The following MBNL1 variants were observed in gnomAD, a reference collection of about 807,000 sequenced individuals.
MBNL1 encodes the protein muscleblind-like protein 1.
A neutral mutation model predicts 42.2 loss-of-function variants in MBNL1; 8 were observed. The ratio of observed to expected loss-of-function variants is 0.19; its 90% CI spans 0.11 to 0.34. MBNL1 has a LOEUF of 0.34. MBNL1 is among the 10% of genes least tolerant of loss of function. The probability of loss-of-function intolerance (pLI) is 1.00; values close to 1 mark genes in which losing one functional copy is unlikely to be tolerated. For synonymous variants in MBNL1, 169 were observed against 173.9 expected (o/e 0.97, Z 0.22); for missense variants, 309 against 495.3 (o/e 0.62, Z 3.57).
chr3:152,280,294 C>T (rs1049345196), intron 1 of MBNL1, among the ~76,000 whole-genome samples: 9 of 152,158 alleles, frequency 5.9e-5, no homozygotes, highest in African/African-American at 2.2e-4. Context: ...TGGAATTTGC[C>T]TAAAACCATT....
chr3:152,392,126 T>C (rs541572226), intron 2 of MBNL1, among the ~76,000 whole-genome samples: 145 of 152,242 alleles, frequency 9.5e-4, no homozygotes, highest in African/African-American at 3.3e-3. Flanking sequence ...TTGACATTTA[T>C]AAATAGTAAG....
chr3:152,447,570 C>A (rs562628997), intron 5 of MBNL1, 50 bp from the exon 6 acceptor site: 1 of 1,385,824 alleles, frequency 7.2e-7, no homozygotes, highest in Non-Finnish European at 9.6e-7. Flanking sequence ...TTTCTTTTTT[C>A]TTTTTCTCTT....
chr3:152,393,493 ATTGACTTACCTTCT>A (rs902934469), intron 2 of MBNL1, among the ~76,000 whole-genome samples: 16 of 152,250 alleles, frequency 1.1e-4, no homozygotes, highest in African/African-American at 3.9e-4. Flanking sequence ...TGAGAAAGCC[ATTGACTTACCTTCT>A]TAAGGAAATG....
intron 2 of MBNL1, among the ~76,000 whole-genome samples, 183 bp from the exon 3 acceptor site, chr3:152,414,758 C>T (rs909705586): frequency 1.3e-5 from 2 of 152,170 alleles, no homozygotes; most frequent in Admixed American, 6.5e-5. Flanking sequence ...CTCAACCTCT[C>T]ATATTGATAG....
chr3:152,415,546 G>C (rs755582013), intron 3 of MBNL1, among the ~76,000 whole-genome samples: 11 of 152,064 alleles, frequency 7.2e-5, no homozygotes, highest in Non-Finnish European at 1.5e-4. Flanking sequence ...AATGTGTATA[G>C]TTCTTTTTCT....
chr3:152,286,641 ATT>A (rs2052478234), intron 1 of MBNL1, among the ~76,000 whole-genome samples: 1 of 149,734 alleles, frequency 6.7e-6, no homozygotes, highest in Non-Finnish European at 1.5e-5. Context: ...AAATAATTTT[ATT>A]GTTATAAATT....
intron 2 of MBNL1, among the ~76,000 whole-genome samples, chr3:152,343,118 A>G (rs1038667959): frequency 6.6e-6 from 1 of 152,134 alleles, no homozygotes; most frequent in African/African-American, 2.4e-5. Flanking sequence ...AGAGATCAGG[A>G]CTGACCCAAA....
chr3:152,296,022 A>G (rs999919554), intron 1 of MBNL1, among the ~76,000 whole-genome samples: 1 of 152,280 alleles, frequency 6.6e-6, no homozygotes, highest in African/African-American at 2.4e-5. Flanking sequence ...CTTTCCTGAC[A>G]GCATTGATGA....
chr3:152,246,965 A>G (rs1006274009), intron 2 of MBNL1, among the ~76,000 whole-genome samples: 1 of 152,094 alleles, frequency 6.6e-6, no homozygotes, highest in Non-Finnish European at 1.5e-5. Context: ...CAACAAATAA[A>G]CGTATATTAT....
rs76599092 is a variant in MBNL1 at position 152,391,802 on chromosome 3, G to C, written c.175-23139G>C. ...TAAAGTGCTGACATCCCAGTTGGAA[G>C]CACTGAGAAGTACATTCAATTGCCT... On this transcript the variant is annotated intron_variant, in intron 2 of 9. Coordinates refer to ENST00000324210, the MANE Select transcript of MBNL1 (RefSeq NM_021038.5). Among the ~76,000 whole-genome samples the C allele has an allele frequency of 6.8e-3, 1,035 of 152,284 alleles. 13 individuals are homozygous for C. Among genetic ancestry groups the C allele is most frequent in the African/African-American group, 0.024 (977 of 41,552 alleles).
intron 2 of MBNL1, among the ~76,000 whole-genome samples, chr3:152,245,733 A>C (rs1230794912): frequency 6.6e-6 from 1 of 152,166 alleles, no homozygotes; most frequent in East Asian, 1.9e-4. Context: ...GCACTACACC[A>C]ATAAGTTGCA....
intron 2 of MBNL1, among the ~76,000 whole-genome samples, chr3:152,318,658 C>T (rs1231571041): frequency 1.3e-5 from 2 of 152,146 alleles, no homozygotes; most frequent in Admixed American, 6.5e-5. Context: ...CAACTGTTCA[C>T]CCAGAGACAT....
intron 4 of MBNL1, among the ~76,000 whole-genome samples, chr3:152,439,397 AGAT>A (rs1431272150): frequency 6.6e-6 from 1 of 152,206 alleles, no homozygotes; most frequent in African/African-American, 2.4e-5. Context: ...TTAGGAAAGA[AGAT>A]GCTTTTAATA....
chr3:152,332,617 A>T (rs2152667523), intron 2 of MBNL1, among the ~76,000 whole-genome samples: 1 of 152,156 alleles, frequency 6.6e-6, no homozygotes, highest in South Asian at 2.1e-4. Flanking sequence ...TATTTCTTAC[A>T]GCTTATGGCT....
intron 1 of MBNL1, among the ~76,000 whole-genome samples, chr3:152,298,817 G>A (rs893728004): frequency 6.6e-6 from 1 of 152,178 alleles, no homozygotes; most frequent in Admixed American, 6.5e-5. Flanking sequence ...TGTCAGGACA[G>A]CAGGAGCAGG....
chr3:152,444,069 G>A (rs966160200), intron 4 of MBNL1, among the ~76,000 whole-genome samples: 1 of 152,138 alleles, frequency 6.6e-6, no homozygotes, highest in Non-Finnish European at 1.5e-5. Context: ...TCGTAGTAGG[G>A]TTACAGTTTT....
intron 2 of MBNL1, among the ~76,000 whole-genome samples, chr3:152,403,883 G>A (rs983267618): frequency 6.6e-6 from 1 of 152,132 alleles, no homozygotes; most frequent in African/African-American, 2.4e-5. Context: ...TAGGCAGGGG[G>A]GTGGGGCAGG....
intron 2 of MBNL1, among the ~76,000 whole-genome samples, chr3:152,364,267 C>A (rs1366451490): frequency 6.6e-6 from 1 of 152,018 alleles, no homozygotes; most frequent in African/African-American, 2.4e-5. Context: ...TTCCTTAAGA[C>A]AAGACATCTG....
intron 2 of MBNL1, among the ~76,000 whole-genome samples, chr3:152,252,167 C>G (rs889519484): frequency 6.8e-6 from 1 of 146,472 alleles, no homozygotes; most frequent in South Asian, 2.2e-4. Context: ...TTCCTTCCTT[C>G]CTTCCTTCCT....
Sources: allele counts gnomAD v4.1 joint callset (sites outside exome capture counted in the v4.1 genomes callset), GRCh38; gene constraint gnomAD v4.1.1; transcripts MANE v1.5; gene names NCBI Gene and HGNC (gene_info 2026-07-23, HGNC 2026-07-21).